RAI14: variants seen among roughly 807,000 people sequenced by gnomAD.
RAI14 encodes the protein retinoic acid induced 14.
In RAI14, 45 loss-of-function variants were observed where a neutral mutation model predicts 115.4. That is an observed-to-expected ratio of 0.39 (90% CI 0.31 to 0.50). The LOEUF is 0.50. Ranked by LOEUF, RAI14 falls within the 20% of genes least tolerant of loss-of-function variation. RAI14 has a pLI of 0.85. For missense variants in RAI14, 939 were observed against 1,131.2 expected (o/e 0.83, Z 2.44); for synonymous variants, 371 against 415.4 (o/e 0.89, Z 1.30).
intron 3 of RAI14, among the ~76,000 whole-genome samples, chr5:34,781,738 G>A (rs1013505525): frequency 2.0e-5 from 3 of 152,152 alleles, no homozygotes; most frequent in East Asian, 1.9e-4. Flanking sequence ...TCCACTCCTC[G>A]GTATGTACCC....
intron 2 of RAI14, among the ~76,000 whole-genome samples, chr5:34,753,684 G>T (rs183453847): frequency 2.0e-5 from 3 of 152,072 alleles, no homozygotes; most frequent in Non-Finnish European, 4.4e-5. Flanking sequence ...GGGAGGCCAC[G>T]GTGGGCAGAT....
At chr5:34,667,631 A>G (rs1236316298) in intron 1 of RAI14, among the ~76,000 whole-genome samples, 1 of 152,208 alleles carries the variant, frequency 6.6e-6, no homozygotes, top group East Asian at 1.9e-4. Flanking sequence ...TATATTTACC[A>G]TCCAGAATTT....
At chr5:34,663,450 A>G (rs577479012) in intron 1 of RAI14, among the ~76,000 whole-genome samples, 1 of 152,278 alleles carries the variant, frequency 6.6e-6, no homozygotes, top group East Asian at 1.9e-4. Flanking sequence ...CATGAGATCG[A>G]GGGTTGCAGT....
chr5:34,740,301 T>G (rs1339915376), intron 2 of RAI14, among the ~76,000 whole-genome samples: 1 of 152,210 alleles, frequency 6.6e-6, no homozygotes, highest in Non-Finnish European at 1.5e-5. Flanking sequence ...ATGTCTTAGA[T>G]TAAGGCCTGA....
chr5:34,792,235 C>CTTTTTT (rs55986330), intron 3 of RAI14, among the ~76,000 whole-genome samples: 4 of 127,482 alleles, frequency 3.1e-5, no homozygotes, highest in African/African-American at 6.0e-5. Context: ...TTTCTTTTTT[C>CTTTTTT]TTTTTTTTTT....
intron 2 of RAI14, among the ~76,000 whole-genome samples, chr5:34,742,703 G>A (rs546722611): frequency 6.6e-6 from 1 of 151,772 alleles, no homozygotes; most frequent in African/African-American, 2.4e-5. Context: ...TCACTCTGTC[G>A]CCCAGGTTGG....
intron 2 of RAI14, among the ~76,000 whole-genome samples, chr5:34,736,126 C>T (rs923032681): frequency 5.4e-5 from 8 of 148,224 alleles, no homozygotes; most frequent in African/African-American, 1.5e-4. Context: ...TTCAGCTGGG[C>T]GCGGTGACTC....
intron 1 of RAI14, among the ~76,000 whole-genome samples, chr5:34,658,274 C>A (rs2149835672): frequency 6.6e-6 from 1 of 152,220 alleles, no homozygotes; most frequent in East Asian, 1.9e-4. Context: ...GTCCCGCCCA[C>A]CAGTAGTGAA....
intron 2 of RAI14, among the ~76,000 whole-genome samples, chr5:34,707,222 T>C (rs927484973): frequency 6.6e-6 from 1 of 152,342 alleles, no homozygotes; most frequent in Non-Finnish European, 1.5e-5. Context: ...ATCCCAGCAC[T>C]TTGGGATACC....
chr5:34,739,581 T>C (rs967921548), intron 2 of RAI14, among the ~76,000 whole-genome samples: 5 of 152,314 alleles, frequency 3.3e-5, no homozygotes, highest in Admixed American at 3.3e-4. Flanking sequence ...TGGGGGCAGT[T>C]GGGGCAAAAG....
At chr5:34,826,997 C>T (rs1231198739) in intron 16 of RAI14, among the ~76,000 whole-genome samples, 3 of 152,336 alleles carry the variant, frequency 2.0e-5, no homozygotes, top group East Asian at 1.9e-4. Flanking sequence ...TATTATTTTA[C>T]AGTTGCATTG....
chr5:34,712,094 A>G (rs940019074), intron 2 of RAI14, among the ~76,000 whole-genome samples: 6 of 152,276 alleles, frequency 3.9e-5, no homozygotes, highest in South Asian at 2.1e-4. Flanking sequence ...TGACTCCTCT[A>G]AGCCTCTCTT....
intron 2 of RAI14, among the ~76,000 whole-genome samples, chr5:34,752,699 ATATATGTGTGTGTGTG>A (rs1231454891): frequency 3.9e-5 from 2 of 51,386 alleles, no homozygotes; most frequent in East Asian, 8.1e-4. Context: ...TATTTCTTAC[ATATATGTGTGTGTGTG>A]TGTGTGTGTG....
intron 2 of RAI14, among the ~76,000 whole-genome samples, chr5:34,732,828 T>G (rs1460856366): frequency 6.7e-6 from 1 of 150,040 alleles, no homozygotes; most frequent in Non-Finnish European, 1.5e-5. Context: ...TGTATATATA[T>G]TTTTTCTCTA....
chr5:34,751,729 C>T (rs918395729), intron 2 of RAI14, among the ~76,000 whole-genome samples: 8 of 152,106 alleles, frequency 5.3e-5, no homozygotes, highest in South Asian at 2.1e-4. Context: ...GCGATGCTTT[C>T]GTTGACATTC....
chr5:34,730,804 G>A (rs1744082946), intron 2 of RAI14, among the ~76,000 whole-genome samples: 1 of 152,158 alleles, frequency 6.6e-6, no homozygotes. Context: ...CCAACATGGT[G>A]AAACCTAATC....
intron 7 of RAI14, among the ~76,000 whole-genome samples, chr5:34,809,990 G>A (rs10472940): frequency 0.61 from 92,694 of 151,978 alleles, 28,478 homozygotes; most frequent in Admixed American, 0.66. Context: ...TGATGGAGAT[G>A]CTGTGAAGTG....
intron 1 of RAI14, among the ~76,000 whole-genome samples, chr5:34,683,678 A>G (rs951579214): frequency 2.0e-5 from 3 of 150,776 alleles, no homozygotes; most frequent in African/African-American, 7.3e-5. Context: ...TTCCTTAGTT[A>G]TTAGTACTTC....
chr5:34,799,249 G>A (rs757127342), intron 4 of RAI14, among the ~76,000 whole-genome samples: 3 of 152,128 alleles, frequency 2.0e-5, no homozygotes, highest in South Asian at 2.1e-4. Context: ...ATGAGGTTAC[G>A]TTAGTAACAG....
Sources: allele counts gnomAD v4.1 joint callset (sites outside exome capture counted in the v4.1 genomes callset), GRCh38; gene constraint gnomAD v4.1.1; transcripts MANE v1.5; gene names NCBI Gene and HGNC (gene_info 2026-07-23, HGNC 2026-07-21).